RBFOX1: variants seen among roughly 807,000 people sequenced by gnomAD.
RBFOX1 encodes RNA binding fox-1 homolog 1.
A neutral mutation model predicts 57.7 loss-of-function variants in RBFOX1; 8 were observed. The observed-to-expected ratio is 0.14, with a 90% CI of 0.08 to 0.25. The LOEUF is 0.25. Ranked by LOEUF, RBFOX1 falls within the 10% of genes least tolerant of loss-of-function variation. The probability of loss-of-function intolerance (pLI) is 1.00; values close to 1 mark genes in which losing one functional copy is unlikely to be tolerated. For missense variants in RBFOX1, 611 were observed against 548.5 expected (o/e 1.11, Z -1.14); for synonymous variants, 326 against 222.4 (o/e 1.47, Z -4.15).
intron 3 of RBFOX1, among the ~76,000 whole-genome samples, chr16:6,719,565 G>T (rs10400992): frequency 1.3e-5 from 2 of 151,068 alleles, no homozygotes; most frequent in Admixed American, 1.3e-4. Context: ...CTCAGCCTCT[G>T]GAGTAGCTGG....
intron 1 of RBFOX1, among the ~76,000 whole-genome samples, chr16:5,258,426 T>C (rs1283811447): frequency 2.6e-5 from 4 of 152,178 alleles, no homozygotes; most frequent in Admixed American, 1.3e-4. Flanking sequence ...TTTTATATGA[T>C]CATTGTCATA....
intron 3 of RBFOX1, among the ~76,000 whole-genome samples, chr16:5,731,434 C>G (rs2052369876): frequency 6.6e-6 from 1 of 152,208 alleles, no homozygotes; most frequent in African/African-American, 2.4e-5. Context: ...TCATTTCTTA[C>G]ACAACCTTAG....
chr16:6,256,331 C>T (rs1214648272), intron 1 of RBFOX1, among the ~76,000 whole-genome samples: 1 of 141,550 alleles, frequency 7.1e-6, no homozygotes, highest in East Asian at 2.1e-4. Context: ...ATAAGGCAGT[C>T]AGAAAGAAAG....
At chr16:7,122,079 C>A (rs997811644) in intron 4 of RBFOX1, among the ~76,000 whole-genome samples, 1 of 151,968 alleles carries the variant, frequency 6.6e-6, no homozygotes, top group East Asian at 1.9e-4. Context: ...AAAATATTCA[C>A]GTCCAAAGGA....
intron 3 of RBFOX1, among the ~76,000 whole-genome samples, chr16:6,792,960 C>T (rs911645505): frequency 3.3e-5 from 5 of 150,646 alleles, no homozygotes; most frequent in African/African-American, 1.2e-4. Flanking sequence ...ACCCGTGAGG[C>T]AGAGGTTGCA....
chr16:5,314,293 G>A (rs1454943887), intron 1 of RBFOX1, among the ~76,000 whole-genome samples: 1 of 152,200 alleles, frequency 6.6e-6, no homozygotes, highest in Non-Finnish European at 1.5e-5. Flanking sequence ...TGGATGTGTA[G>A]CTGTTGTTTG....
intron 3 of RBFOX1, among the ~76,000 whole-genome samples, chr16:6,797,761 G>A (rs1366489372): frequency 6.6e-6 from 1 of 152,018 alleles, no homozygotes; most frequent in East Asian, 1.9e-4. Context: ...ATTATACCTG[G>A]TTTTATGATG....
intron 3 of RBFOX1, among the ~76,000 whole-genome samples, chr16:6,876,321 A>G (rs1191251281): frequency 2.6e-5 from 4 of 152,318 alleles, no homozygotes; most frequent in African/African-American, 9.6e-5. Flanking sequence ...TCAATGGACA[A>G]TGAATGACTT....
chr16:5,427,017 T>A (rs553914746), intron 1 of RBFOX1, among the ~76,000 whole-genome samples: 1 of 152,228 alleles, frequency 6.6e-6, no homozygotes, highest in East Asian at 1.9e-4. Context: ...AGCACCCAGC[T>A]CCTTTCATGC....
chr16:7,353,711 C>G (rs2097167199), intron 4 of RBFOX1, among the ~76,000 whole-genome samples: 1 of 152,152 alleles, frequency 6.6e-6, no homozygotes, highest in African/African-American at 2.4e-5. Context: ...ATACAAAGGA[C>G]TACATATTGT....
At chr16:6,034,240 C>G (rs941682384) in intron 1 of RBFOX1, among the ~76,000 whole-genome samples, 6 of 131,584 alleles carry the variant, frequency 4.6e-5, no homozygotes, top group Non-Finnish European at 6.1e-5. Context: ...GAGGCTGAGG[C>G]AGAAGAATTG....
At chr16:6,835,378 G>T (rs1054884586) in intron 3 of RBFOX1, among the ~76,000 whole-genome samples, 2 of 152,150 alleles carry the variant, frequency 1.3e-5, no homozygotes, top group Non-Finnish European at 2.9e-5. Context: ...GACAGGAAAA[G>T]ATATAGGACC....
intron 2 of RBFOX1, among the ~76,000 whole-genome samples, chr16:5,478,221 T>C (rs1466422924): frequency 6.6e-6 from 1 of 151,698 alleles, no homozygotes; most frequent in African/African-American, 2.4e-5. Flanking sequence ...TAGGTTAGAC[T>C]AGCGAAGGGA....
chr16:7,514,663 G>C (rs543636081), intron 4 of RBFOX1, among the ~76,000 whole-genome samples: 6 of 152,118 alleles, frequency 3.9e-5, no homozygotes, highest in Non-Finnish European at 8.8e-5. Context: ...AAGGGGGTAG[G>C]TGAGGCTTTC....
intron 4 of RBFOX1, among the ~76,000 whole-genome samples, chr16:7,190,654 A>C (rs1030124498): frequency 6.6e-6 from 1 of 152,180 alleles, no homozygotes; most frequent in Non-Finnish European, 1.5e-5. Context: ...CCAGTACCAC[A>C]TGAAATCAGA....
intron 3 of RBFOX1, among the ~76,000 whole-genome samples, chr16:6,702,153 C>T (rs984039548): frequency 6.6e-6 from 1 of 152,156 alleles, no homozygotes; most frequent in African/African-American, 2.4e-5. Flanking sequence ...GGGACGGAAC[C>T]AAGCCGTTCA....
At chr16:6,998,173 C>A (rs1422566853) in intron 3 of RBFOX1, among the ~76,000 whole-genome samples, 1 of 152,036 alleles carries the variant, frequency 6.6e-6, no homozygotes, top group East Asian at 1.9e-4. Flanking sequence ...ATGAAAGCAG[C>A]CAAAGCAGTA....
chr16:6,700,646 G>A (rs11862549), intron 3 of RBFOX1, among the ~76,000 whole-genome samples: 15,936 of 151,922 alleles, frequency 0.1, 1,030 homozygotes, highest in African/African-American at 0.18. Context: ...CAACAAAAAC[G>A]AAACTTCATC....
intron 3 of RBFOX1, among the ~76,000 whole-genome samples, chr16:6,701,270 C>G (rs72636209): frequency 1.3e-5 from 2 of 152,132 alleles, no homozygotes; most frequent in Admixed American, 1.3e-4. Context: ...CTGCAGCTGA[C>G]GCAGGCCCTG....
Sources: gnomAD v4.1 joint callset for allele counts (sites outside exome capture counted in the v4.1 genomes callset) on GRCh38, gnomAD v4.1.1 for gene constraint, MANE v1.5 for transcripts, NCBI Gene and HGNC (gene_info 2026-07-23, HGNC 2026-07-21) for gene names.